Variants in MCPH1 observed in about 807,000 individuals in gnomAD.
The protein encoded by MCPH1 is microcephalin 1, also known as microcephalin.
MCPH1 carries 104 observed loss-of-function variants against 84.5 expected under a neutral mutation model. That is an observed-to-expected ratio of 1.23 (90% CI 1.05 to 1.45). MCPH1 has a LOEUF of 1.45. Ranked by LOEUF, MCPH1 falls within the 40% of genes most tolerant of loss-of-function variation. The pLI, the probability that MCPH1 is intolerant of heterozygous loss-of-function variation, is 0.00. For synonymous variants in MCPH1, 514 were observed against 366.8 expected, an observed-to-expected ratio of 1.40 and a Z score of -4.58; for missense variants, 1,498 against 1,005.7, an observed-to-expected ratio of 1.49 and a Z score of -6.62.
intron 12 of MCPH1, chr8:6,519,970 T>G (rs983849219): frequency 1.2e-6 from 2 of 1,614,168 alleles, no homozygotes; most frequent in Admixed American, 3.3e-5. Context: ...TTGTTCTTCT[T>G]TAGCAACAGT....
chr8:6,614,903 C>G (rs140846906), intron 12 of MCPH1, among the ~76,000 whole-genome samples: 37 of 152,244 alleles, frequency 2.4e-4, no homozygotes, highest in African/African-American at 7.7e-4. Context: ...TACTCCATCC[C>G]TTTTTCTTGG....
intron 13 of MCPH1, among the ~76,000 whole-genome samples, chr8:6,628,196 C>T (rs1255863130): frequency 6.6e-6 from 1 of 151,906 alleles, no homozygotes; most frequent in Non-Finnish European, 1.5e-5. Context: ...TAAGGCTGGG[C>T]GCAGTGGCTC....
At chr8:6,484,871 A>G (rs183432962) in intron 11 of MCPH1, among the ~76,000 whole-genome samples, 17 of 152,350 alleles carry the variant, frequency 1.1e-4, no homozygotes, top group Admixed American at 1.1e-3. Flanking sequence ...TGGGAGTAGC[A>G]TCTGCCTCTG....
chr8:6,488,263 G>A (rs1810167783), intron 11 of MCPH1, among the ~76,000 whole-genome samples: 1 of 152,222 alleles, frequency 6.6e-6, no homozygotes, highest in Non-Finnish European at 1.5e-5. Context: ...GCATTTCCCA[G>A]GTTGGAGCCG....
chr8:6,504,019 A>G (rs1812727696), intron 12 of MCPH1, among the ~76,000 whole-genome samples: 1 of 152,150 alleles, frequency 6.6e-6, no homozygotes, highest in Non-Finnish European at 1.5e-5. Flanking sequence ...AAAAATCTAG[A>G]AATATTCTAT....
intron 13 of MCPH1, chr8:6,622,102 C>A: frequency 3.0e-6 from 1 of 331,152 alleles, no homozygotes; most frequent in South Asian, 2.6e-5. Context: ...CCGTCCCTGT[C>A]ATCTCCTCTC....
chr8:6,504,276 C>T (rs1812808366), intron 12 of MCPH1, among the ~76,000 whole-genome samples: 1 of 145,614 alleles, frequency 6.9e-6, no homozygotes. Context: ...CGAGATCGCG[C>T]CACTGCACTC....
chr8:6,572,859 G>GA (rs1337878024), intron 12 of MCPH1, among the ~76,000 whole-genome samples: 1 of 152,232 alleles, frequency 6.6e-6, no homozygotes, highest in African/African-American at 2.4e-5. Flanking sequence ...CCCCACACGG[G>GA]AAGCCTCCCA....
At chr8:6,437,917 C>A (rs1563206730) in intron 5 of MCPH1, among the ~76,000 whole-genome samples, 1 of 152,224 alleles carries the variant, frequency 6.6e-6, no homozygotes, top group African/African-American at 2.4e-5. Context: ...CCTTACAGTT[C>A]ATCTCTGTGC....
At chr8:6,529,238 T>A (rs780774379) in intron 12 of MCPH1, among the ~76,000 whole-genome samples, 5 of 152,144 alleles carry the variant, frequency 3.3e-5, no homozygotes, top group Non-Finnish European at 7.3e-5. Context: ...GATCTCTCAT[T>A]CCCTTTAAGA....
At chr8:6,447,827 G>T (rs935714054) in intron 8 of MCPH1, among the ~76,000 whole-genome samples, 53 of 152,134 alleles carry the variant, frequency 3.5e-4, no homozygotes, top group African/African-American at 1.3e-3. Context: ...GGGATTACAG[G>T]CGTGAGCTAC....
chr8:6,531,706 G>A (rs1164743691), intron 12 of MCPH1, among the ~76,000 whole-genome samples: 1 of 152,158 alleles, frequency 6.6e-6, no homozygotes, highest in African/African-American at 2.4e-5. Flanking sequence ...TATATTATTT[G>A]AGGCCCAGAA....
Position 6,643,038 on chromosome 8 carries a change from T to C in MCPH1, c.2497T>C (p.Leu833=), listed in dbSNP as rs377465669. The C allele has an allele frequency of 1.5e-5, 24 of 1,613,884 alleles. No individual in the cohort carries two copies. Among genetic ancestry groups the C allele is most frequent in the Non-Finnish European group, 2.0e-5 (24 of 1,179,894 alleles). Residue 833 remains leucine (L), a synonymous_variant, in exon 14 of 14, where the codon TTG becomes CTG. Coordinates refer to ENST00000344683, the MANE Select transcript of MCPH1 (RefSeq NM_024596.5). The stretch of plus-strand genomic sequence containing the variant: ...GGTCTGTGCCCCTGAAAACTACCTA[T>C]TGTCACAATGACAGTGACCTCACTG... The part of the protein sequence containing the change: ...HKVCAPENYL[L]SQ
chr8:6,640,105 C>CGT lies in MCPH1; in HGVS notation c.2453-2875_2453-2874dup, dbSNP rs139021455. On this transcript the variant is annotated intron_variant, in intron 13 of 13. Transcript: ENST00000344683. The stretch of plus-strand genomic sequence containing the variant: ...GTGTGTGTGTGTGTGTGTGCGCGCG[C>CGT]GTGTGTGTGTGTGTGCGTGTGTGTG... Among the ~76,000 whole-genome samples the CGT allele has an allele frequency of 8.7e-3, 1,158 of 133,610 alleles. 21 individuals are homozygous for CGT. The highest frequency in any genetic ancestry group is 0.031 in the African/African-American group (1,072 of 34,672). The allele number at this position is 133,610 out of a possible 152,430, so 87.7% of individuals were successfully genotyped here. A position where few individuals can be genotyped will look rare whatever the true frequency, so the allele number is the denominator to read the frequency against.
At chr8:6,528,751 T>C (rs990415768) in intron 12 of MCPH1, among the ~76,000 whole-genome samples, 4 of 152,252 alleles carry the variant, frequency 2.6e-5, no homozygotes, top group Non-Finnish European at 4.4e-5. Context: ...TCAGCATTGT[T>C]GCCAAGGAAC....
chr8:6,480,872 A>T lies in MCPH1; in HGVS notation c.2132A>T (p.Asp711Val). ...CGTGGCTGCTGGGTTCTCTCTTATGATTGGGTAAGCCCTGTGTGTGAACTG... is the reference window on the plus strand; with the variant it reads ...CGTGGCTGCTGGGTTCTCTCTTATGTTTGGGTAAGCCCTGTGTGTGAACTG... ...IARGCWVLSY[D>V]WVLWSLELGH... Residue 711 changes from aspartate (D) to valine (V), a missense_variant, in exon 11 of 14, where the codon GAT (aspartate) becomes GTT (valine). Asp to Val is a radical substitution (Grantham distance 152, BLOSUM62 -3). Transcript: ENST00000344683. The T allele has an allele frequency of 1.2e-6, 2 of 1,613,914 alleles. No homozygotes were observed. The highest frequency in any genetic ancestry group is 2.2e-5 in the South Asian group (2 of 91,074).
chr8:6,432,701 A>G (rs886146946), intron 4 of MCPH1, among the ~76,000 whole-genome samples: 6 of 152,204 alleles, frequency 3.9e-5, no homozygotes, highest in African/African-American at 1.4e-4. Flanking sequence ...ATTTCCTGAA[A>G]ATAGTAAATG....
chr8:6,549,771 T>G (rs1427694246), intron 12 of MCPH1, among the ~76,000 whole-genome samples: 1 of 152,118 alleles, frequency 6.6e-6, no homozygotes, highest in Non-Finnish European at 1.5e-5. Flanking sequence ...CAGCAAGTCC[T>G]CTATATCTTG....
intron 11 of MCPH1, among the ~76,000 whole-genome samples, chr8:6,499,496 G>C (rs552892952): frequency 6.6e-6 from 1 of 151,872 alleles, no homozygotes; most frequent in African/African-American, 2.4e-5. Context: ...TAAAAGTCTG[G>C]AATATTTACA....
Sources: allele counts gnomAD v4.1 joint callset (sites outside exome capture counted in the v4.1 genomes callset), GRCh38; gene constraint gnomAD v4.1.1; transcripts MANE v1.5; gene names NCBI Gene and HGNC (gene_info 2026-07-23, HGNC 2026-07-21).